Variants in RTF2 observed in about 807,000 individuals in gnomAD.
RTF2 encodes the protein replication termination factor 2.
A neutral mutation model predicts 38.0 loss-of-function variants in RTF2; 18 were observed. The ratio of observed to expected loss-of-function variants is 0.47; its 90% confidence interval spans 0.33 to 0.70. RTF2 has a LOEUF of 0.70. Ranked by LOEUF, RTF2 falls within the 30% of genes least tolerant of loss-of-function variation. The pLI, the probability that RTF2 is intolerant of heterozygous loss-of-function variation, is 0.02. For missense variants in RTF2, 311 were observed against 379.6 expected (o/e 0.82, Z 1.50); for synonymous variants, 126 against 137.1 (o/e 0.92, Z 0.57).
intron 5 of RTF2, among the ~76,000 whole-genome samples, chr20:56,495,770 T>G (rs1291625178): frequency 6.6e-6 from 1 of 152,230 alleles, no homozygotes; most frequent in Admixed American, 6.5e-5. Flanking sequence ...CTAGGCTGAT[T>G]AGCTTAGTTG....
intron 5 of RTF2, chr20:56,491,781 G>A (rs1235267291): frequency 5.8e-6 from 9 of 1,548,812 alleles, no homozygotes; most frequent in Non-Finnish European, 7.9e-6. Flanking sequence ...TCGACGTAGC[G>A]GCCTGCAGAA....
intron 3 of RTF2, among the ~76,000 whole-genome samples, chr20:56,475,673 G>T (rs1247805964): frequency 6.6e-6 from 1 of 152,022 alleles, no homozygotes; most frequent in Non-Finnish European, 1.5e-5. Context: ...GCTATGATTG[G>T]GTTTCCATGT....
At chr20:56,492,568 AT>A (rs1454160254) in intron 5 of RTF2, among the ~76,000 whole-genome samples, 1 of 150,660 alleles carries the variant, frequency 6.6e-6, no homozygotes, top group Non-Finnish European at 1.5e-5. Flanking sequence ...TTAAAAAAAA[AT>A]TTTTTTTAAA....
Position 56,488,929 on chromosome 20 carries a change from C to T in RTF2, c.477+4740C>T, listed in dbSNP as rs553007327. On this transcript the variant is annotated intron_variant, in intron 5 of 8. Transcript: ENST00000357348. Reference sequence around the variant, plus strand: ...CAAGCCTCCCTGCCTCTCGGCCTCCCCACCTCTCTGACTCTTGGCCTTGTT... The same window carrying T: ...CAAGCCTCCCTGCCTCTCGGCCTCCTCACCTCTCTGACTCTTGGCCTTGTT... 2.9e-4 allele frequency among the ~76,000 whole-genome samples: 44 copies of T among 152,354 alleles called. 2 individuals carry two copies. The South Asian group carries it at 8.7e-3, about 30-fold the overall frequency.
At chr20:56,484,628 A>C (rs780516252) in intron 5 of RTF2, among the ~76,000 whole-genome samples, 6 of 152,230 alleles carry the variant, frequency 3.9e-5, no homozygotes, top group Non-Finnish European at 5.9e-5. Flanking sequence ...TGAGGGTAGG[A>C]AACAAGGCTT....
At chr20:56,514,346 T>A (rs997957957) in intron 6 of RTF2, 1 of 151,544 alleles carries the variant, frequency 6.6e-6, no homozygotes, top group African/African-American at 2.4e-5. Flanking sequence ...AATTTCTTAT[T>A]CTTTAAAAAA....
At chr20:56,516,323 A>G (rs1985041003) in intron 6 of RTF2, 2 of 151,776 alleles carry the variant, frequency 1.3e-5, no homozygotes. Flanking sequence ...TGACCGTAGA[A>G]TGGTTTGTTT....
intron 5 of RTF2, among the ~76,000 whole-genome samples, chr20:56,509,630 A>G (rs1352502797): frequency 1.3e-5 from 2 of 152,002 alleles, no homozygotes; most frequent in East Asian, 1.9e-4. Flanking sequence ...AAAAAAAAGA[A>G]AAACGATGAC....
At chr20:56,515,037 A>G (rs1034343290) in intron 6 of RTF2, among the ~76,000 whole-genome samples, 1 of 146,094 alleles carries the variant, frequency 6.8e-6, no homozygotes, top group Non-Finnish European at 1.5e-5. Flanking sequence ...ACTCCCTCTA[A>G]AAAAAAAAAA....
At chr20:56,488,958 C>T (rs1205055470) in intron 5 of RTF2, among the ~76,000 whole-genome samples, 3 of 152,206 alleles carry the variant, frequency 2.0e-5, no homozygotes, top group Non-Finnish European at 4.4e-5. Flanking sequence ...CCTTGTTTTC[C>T]ATTGCTGTCC....
chr20:56,472,399 G>T (rs1418890384), intron 1 of RTF2: 3 of 1,541,074 alleles, frequency 1.9e-6, no homozygotes, highest in Middle Eastern at 1.7e-4. Flanking sequence ...GGGAAGGAGT[G>T]GGACATGGAA....
chr20:56,504,466 A>G (rs1007867186), intron 5 of RTF2, among the ~76,000 whole-genome samples: 1 of 152,210 alleles, frequency 6.6e-6, no homozygotes, highest in Non-Finnish European at 1.5e-5. Flanking sequence ...CATTAAGGAG[A>G]TAAATAAAAG....
At chr20:56,479,490 G>T (rs1412392087) in intron 4 of RTF2, among the ~76,000 whole-genome samples, 2 of 152,146 alleles carry the variant, frequency 1.3e-5, no homozygotes, top group South Asian at 2.1e-4. Context: ...CTCCCAAAGT[G>T]CTGGGATTAC....
In RTF2 at chr20:56,504,613, G is replaced by A. The variant is rs560417634; in HGVS notation, c.478-8702G>A. 2.6e-5 allele frequency among the ~76,000 whole-genome samples: 4 copies of A among 152,322 alleles called. No homozygotes were observed. In the East Asian group the frequency reaches 7.7e-4, roughly 29 times the overall value. ...CGCCATAGCATGTGGTGAAGGTGGGGTCTGACTGCACCCCTTCGCTAGGCT... is the reference window on the plus strand; with the variant it reads ...CGCCATAGCATGTGGTGAAGGTGGGATCTGACTGCACCCCTTCGCTAGGCT... On this transcript the variant is annotated intron_variant, in intron 5 of 8. Transcript: ENST00000357348.
intron 5 of RTF2, among the ~76,000 whole-genome samples, chr20:56,504,778 CAT>C (rs775635449): frequency 6.6e-6 from 1 of 152,226 alleles, no homozygotes; most frequent in African/African-American, 2.4e-5. Flanking sequence ...CACCAAGAGA[CAT>C]AGATCACACA....
intron 5 of RTF2, among the ~76,000 whole-genome samples, chr20:56,508,965 T>A (rs918024336): frequency 6.6e-6 from 1 of 152,208 alleles, no homozygotes; most frequent in African/African-American, 2.4e-5. Flanking sequence ...AGGCGATGAC[T>A]TACTAAATAT....
intron 1 of RTF2, chr20:56,472,274 T>C: frequency 9.9e-7 from 1 of 1,006,128 alleles, no homozygotes; most frequent in East Asian, 2.6e-5. Context: ...CTTCTTTTTT[T>C]CTTTTCTCTT....
At chr20:56,478,190 A>G (rs1021000522) in intron 4 of RTF2, among the ~76,000 whole-genome samples, 3 of 152,194 alleles carry the variant, frequency 2.0e-5, no homozygotes, top group African/African-American at 7.2e-5. Flanking sequence ...TTCTTAGTAC[A>G]TATAAAAGTT....
intron 5 of RTF2, among the ~76,000 whole-genome samples, chr20:56,484,393 C>T (rs757272681): frequency 2.6e-5 from 4 of 152,214 alleles, no homozygotes; most frequent in South Asian, 2.1e-4. Context: ...TCAGACCACA[C>T]GAGGGCTGTT....
Sources: gnomAD v4.1 joint callset for allele counts (sites outside exome capture counted in the v4.1 genomes callset) on GRCh38, gnomAD v4.1.1 for gene constraint, MANE v1.5 for transcripts, NCBI Gene and HGNC (gene_info 2026-07-23, HGNC 2026-07-21) for gene names.